PHLDB2: variants seen among roughly 807,000 people sequenced by gnomAD.
PHLDB2 encodes the protein pleckstrin homology-like domain family B member 2.
In PHLDB2, 71 loss-of-function variants were observed where a neutral mutation model predicts 123.6. That is an observed-to-expected ratio of 0.57 (90% confidence interval 0.47 to 0.70). The LOEUF is 0.70. Ranked by LOEUF, PHLDB2 falls within the 30% of genes least tolerant of loss-of-function variation. The probability of loss-of-function intolerance (pLI) is 0.00; values close to 1 mark genes in which losing one functional copy is unlikely to be tolerated. For missense variants in PHLDB2, 1,446 were observed against 1,519.5 expected (o/e 0.95, Z 0.80); for synonymous variants, 547 against 541.6 (o/e 1.01, Z -0.14).
At chr3:111,910,731 T>G (rs915998411) in intron 2 of PHLDB2, among the ~76,000 whole-genome samples, 2 of 152,244 alleles carry the variant, frequency 1.3e-5, no homozygotes, top group African/African-American at 4.8e-5. Flanking sequence ...GAGAATTATC[T>G]TATGACAGTA....
upstream of PHLDB2, among the ~76,000 whole-genome samples, chr3:111,854,835 A>G (rs1411440229): frequency 6.6e-6 from 1 of 152,190 alleles, no homozygotes; most frequent in East Asian, 1.9e-4. Flanking sequence ...GCTGTGAAAA[A>G]AGATGGTGCA....
intron 9 of PHLDB2, among the ~76,000 whole-genome samples, chr3:111,948,024 A>G (rs527244971): frequency 3.9e-5 from 6 of 152,212 alleles, no homozygotes; most frequent in East Asian, 1.9e-4. Context: ...ATTGGTCTGT[A>G]TAATTACTTT....
chr3:111,948,824 T>C (rs2064111210), intron 9 of PHLDB2, 108 bp from the exon 10 acceptor site: 5 of 974,430 alleles, frequency 5.1e-6, no homozygotes, highest in Non-Finnish European at 6.2e-6. Context: ...ACCACAGATA[T>C]CTGGCTGTGC....
chr3:111,879,139 C>A (rs537638151), intron 1 of PHLDB2, among the ~76,000 whole-genome samples: 3 of 152,288 alleles, frequency 2.0e-5, no homozygotes, highest in African/African-American at 7.2e-5. Context: ...ACCAGCTCCT[C>A]TTTGTACCTC....
intron 1 of PHLDB2, among the ~76,000 whole-genome samples, chr3:111,839,648 T>A (rs538220402): frequency 6.6e-6 from 1 of 152,164 alleles, no homozygotes; most frequent in East Asian, 1.9e-4. Context: ...TTCCTGTGAA[T>A]CGATTTTTTT....
intron 1 of PHLDB2, among the ~76,000 whole-genome samples, chr3:111,812,374 C>T (rs563698836): frequency 1.3e-5 from 2 of 152,276 alleles, no homozygotes; most frequent in South Asian, 4.1e-4. Flanking sequence ...AAGAACAGTA[C>T]TCTGCAAGGG....
At chr3:111,803,568 T>C (rs1392986560) in intron 1 of PHLDB2, among the ~76,000 whole-genome samples, 1 of 152,008 alleles carries the variant, frequency 6.6e-6, no homozygotes, top group East Asian at 1.9e-4. Flanking sequence ...CTCAGGATAG[T>C]AGAATGGAAC....
intron 1 of PHLDB2, among the ~76,000 whole-genome samples, chr3:111,805,320 G>A (rs903848897): frequency 3.3e-5 from 5 of 152,104 alleles, no homozygotes; most frequent in African/African-American, 4.8e-5. Flanking sequence ...CAGCACTTTG[G>A]GAGGCTGAGG....
At chr3:111,898,302 C>T (rs1465619478) in intron 2 of PHLDB2, among the ~76,000 whole-genome samples, 1 of 151,976 alleles carries the variant, frequency 6.6e-6, no homozygotes, top group African/African-American at 2.4e-5. Flanking sequence ...TTGCTTCAGC[C>T]TCCCAAGCAG....
intron 1 of PHLDB2, among the ~76,000 whole-genome samples, chr3:111,761,781 A>G (rs959039918): frequency 1.3e-5 from 2 of 152,176 alleles, no homozygotes; most frequent in African/African-American, 2.4e-5. Context: ...CATAAGACCC[A>G]CTGCTTTAGG....
intron 1 of PHLDB2, among the ~76,000 whole-genome samples, chr3:111,774,099 T>C (rs1239509164): frequency 6.6e-6 from 1 of 152,232 alleles, no homozygotes; most frequent in Non-Finnish European, 1.5e-5. Flanking sequence ...AGAATATTGC[T>C]GCTTCATTCA....
chr3:111,899,621 G>A (rs980361853), intron 2 of PHLDB2, among the ~76,000 whole-genome samples: 2 of 152,108 alleles, frequency 1.3e-5, no homozygotes, highest in African/African-American at 4.8e-5. Flanking sequence ...TTTTTGGAAT[G>A]GTCAATGAGC....
Position 111,908,627 on chromosome 3 carries a change from C to T in PHLDB2, c.1336-4692C>T, listed in dbSNP as rs539997497. Among the ~76,000 whole-genome samples the T allele has an allele frequency of 8.9e-4, 136 of 152,188 alleles. 1 individual carries two copies. Among genetic ancestry groups the T allele is most frequent in the African/African-American group, 3.1e-3 (128 of 41,520 alleles). ...ACCTTGCTTTTCACACTTCATTGGCCGGTACAAGTCTGAGGGCCATATCCA... is the reference window on the plus strand; with the variant it reads ...ACCTTGCTTTTCACACTTCATTGGCTGGTACAAGTCTGAGGGCCATATCCA... On this transcript the variant is annotated intron_variant, in intron 2 of 17. Transcript: ENST00000431670.
At chr3:111,783,659 C>G (rs1317492935) in intron 1 of PHLDB2, among the ~76,000 whole-genome samples, 1 of 152,060 alleles carries the variant, frequency 6.6e-6, no homozygotes, top group African/African-American at 2.4e-5. Flanking sequence ...TACTTGTATT[C>G]CCGAGACAGA....
upstream of PHLDB2, among the ~76,000 whole-genome samples, chr3:111,857,062 G>A (rs1303159364): frequency 1.3e-5 from 2 of 152,120 alleles, no homozygotes; most frequent in African/African-American, 4.8e-5. Context: ...ATTATAGGCA[G>A]AGAGGGCAAT....
chr3:111,975,754 GT>G lies in PHLDB2; in HGVS notation c.*1195del, dbSNP rs2072464070. 1 of 152,444 alleles carries G rather than the reference GT, an allele frequency of 6.6e-6. No individual in the cohort carries two copies. The highest frequency in any genetic ancestry group is 2.4e-5 in the African/African-American group (1 of 41,380). 9.4% of individuals were successfully genotyped at this position (152,444 alleles called of 1,614,324 possible). A position where few individuals can be genotyped will look rare whatever the true frequency, so the allele number is the denominator to read the frequency against. On this transcript the variant is annotated 3_prime_UTR_variant, in exon 18 of 18. Coordinates refer to ENST00000431670, the MANE Select transcript of PHLDB2 (RefSeq NM_001134438.2). Reference sequence around the variant, plus strand: ...AGTGCCATTTATTCTAGTTTATCATGTTTTGCATGTTTGAAAGTATGAATGT... The same window carrying G: ...AGTGCCATTTATTCTAGTTTATCATGTTTGCATGTTTGAAAGTATGAATGT...
chr3:111,959,963 T>G (rs1023498497), intron 12 of PHLDB2, among the ~76,000 whole-genome samples: 9 of 152,234 alleles, frequency 5.9e-5, no homozygotes, highest in Admixed American at 5.9e-4. Flanking sequence ...GGCTGTCCTT[T>G]AGGGATTTGT....
intron 5 of PHLDB2, among the ~76,000 whole-genome samples, chr3:111,929,749 T>C (rs2069007597): frequency 6.6e-6 from 1 of 152,110 alleles, no homozygotes; most frequent in African/African-American, 2.4e-5. Flanking sequence ...CCCACTGAGC[T>C]TTTGCTCTGG....
chr3:111,901,216 C>T (rs979113774), intron 2 of PHLDB2, among the ~76,000 whole-genome samples: 1 of 139,454 alleles, frequency 7.2e-6, no homozygotes, highest in African/African-American at 2.7e-5. Flanking sequence ...AAAAATTAGC[C>T]AGACGTGGTG....
Sources: gnomAD v4.1 joint callset for allele counts (sites outside exome capture counted in the v4.1 genomes callset) on GRCh38, gnomAD v4.1.1 for gene constraint, MANE v1.5 for transcripts, NCBI Gene and HGNC (gene_info 2026-07-23, HGNC 2026-07-21) for gene names.